ATRNL1: variants seen among roughly 807,000 people sequenced by gnomAD.
ATRNL1 encodes the protein attractin like 1.
A neutral mutation model predicts 182.7 loss-of-function variants in ATRNL1; 95 were observed. The observed-to-expected ratio is 0.52, with a 90% CI of 0.44 to 0.62. The LOEUF is 0.62. Ranked by LOEUF, ATRNL1 falls within the 20% of genes least tolerant of loss-of-function variation. ATRNL1 has a pLI of 0.00. For missense variants in ATRNL1, 1,471 were observed against 1,679.5 expected, an observed-to-expected ratio of 0.88 and a Z score of 2.17; for synonymous variants, 576 against 568.3, an observed-to-expected ratio of 1.01 and a Z score of -0.19.
chr10:115,514,089 G>C (rs1402987433), intron 24 of ATRNL1, among the ~76,000 whole-genome samples: 1 of 151,942 alleles, frequency 6.6e-6, no homozygotes, highest in Admixed American at 6.6e-5. Flanking sequence ...AGGTAGGAGA[G>C]TATTATCTGT....
At chr10:115,818,419 G>A (rs1217457499) in intron 27 of ATRNL1, among the ~76,000 whole-genome samples, 1 of 152,048 alleles carries the variant, frequency 6.6e-6, no homozygotes, top group African/African-American at 2.4e-5. Context: ...CAAATGATTT[G>A]CCATTATATT....
At chr10:115,697,045 T>A (rs1439702144) in intron 26 of ATRNL1, among the ~76,000 whole-genome samples, 1 of 152,130 alleles carries the variant, frequency 6.6e-6, no homozygotes, top group Non-Finnish European at 1.5e-5. Flanking sequence ...ATGTGGGGAT[T>A]ACAATTTGAG....
intron 5 of ATRNL1, among the ~76,000 whole-genome samples, chr10:115,154,891 C>A (rs1554881693): frequency 6.6e-6 from 1 of 152,120 alleles, no homozygotes; most frequent in Non-Finnish European, 1.5e-5. Flanking sequence ...ACCCCTACGG[C>A]CCAAAGATTG....
At chr10:115,528,472 C>T (rs782428266) in intron 25 of ATRNL1, among the ~76,000 whole-genome samples, 1 of 151,816 alleles carries the variant, frequency 6.6e-6, no homozygotes, top group Non-Finnish European at 1.5e-5. Context: ...CAGTAATGAC[C>T]CGACTTTTCA....
chr10:115,661,154 A>G (rs1447411782), intron 26 of ATRNL1, among the ~76,000 whole-genome samples: 1 of 152,110 alleles, frequency 6.6e-6, no homozygotes, highest in African/African-American at 2.4e-5. Context: ...TTTTAGGAAA[A>G]AGGAATAATA....
At chr10:115,621,056 T>G (rs1309338073) in intron 26 of ATRNL1, among the ~76,000 whole-genome samples, 2 of 151,936 alleles carry the variant, frequency 1.3e-5, no homozygotes, top group Non-Finnish European at 2.9e-5. Context: ...GAGTGAGATT[T>G]TCCTTGTTTT....
chr10:115,868,195 G>A (rs550211732), intron 28 of ATRNL1, among the ~76,000 whole-genome samples: 1 of 152,276 alleles, frequency 6.6e-6, no homozygotes, highest in Non-Finnish European at 1.5e-5. Flanking sequence ...GGTAAGAGAA[G>A]ACTCTGGGAG....
chr10:115,330,299 A>G (rs999477615), intron 18 of ATRNL1, among the ~76,000 whole-genome samples: 3 of 152,132 alleles, frequency 2.0e-5, no homozygotes, highest in Admixed American at 6.6e-5. Context: ...ATAAGGATAT[A>G]ATTGTTTCTT....
At chr10:115,368,092 G>A (rs1857160798) in intron 19 of ATRNL1, among the ~76,000 whole-genome samples, 1 of 152,196 alleles carries the variant, frequency 6.6e-6, no homozygotes, top group African/African-American at 2.4e-5. Context: ...ACCTAAGCAA[G>A]CCTGGGCAAT....
At chr10:115,809,191 G>A (rs1424337909) in intron 27 of ATRNL1, among the ~76,000 whole-genome samples, 1 of 151,888 alleles carries the variant, frequency 6.6e-6, no homozygotes, top group Non-Finnish European at 1.5e-5. Context: ...TTGATAAATA[G>A]GTCTATCCTA....
intron 26 of ATRNL1, among the ~76,000 whole-genome samples, chr10:115,702,779 A>G: frequency 6.6e-6 from 1 of 151,984 alleles, no homozygotes; most frequent in Non-Finnish European, 1.5e-5. Context: ...CACTGCTGAA[A>G]GAAGTCATAG....
At chr10:115,254,629 T>A (rs1177482651) in intron 10 of ATRNL1, among the ~76,000 whole-genome samples, 1 of 152,230 alleles carries the variant, frequency 6.6e-6, no homozygotes, top group Admixed American at 6.5e-5. Flanking sequence ...GTGCAGAAGC[T>A]CTTTAGTTTA....
chr10:115,282,979 AC>A (rs1852440630), intron 14 of ATRNL1, among the ~76,000 whole-genome samples: 1 of 150,918 alleles, frequency 6.6e-6, no homozygotes, highest in African/African-American at 2.4e-5. Flanking sequence ...CTAGCCCCCT[AC>A]CCCCACTTTT....
intron 26 of ATRNL1, among the ~76,000 whole-genome samples, chr10:115,645,183 G>T (rs1331090030): frequency 6.6e-6 from 1 of 151,792 alleles, no homozygotes; most frequent in East Asian, 1.9e-4. Flanking sequence ...CAATAGAAGG[G>T]TATATATCAA....
At chr10:115,655,204 C>T (rs1860256483) in intron 26 of ATRNL1, among the ~76,000 whole-genome samples, 1 of 152,108 alleles carries the variant, frequency 6.6e-6, no homozygotes, top group Non-Finnish European at 1.5e-5. Context: ...TCCTGACTCA[C>T]AGTCATGATT....
In ATRNL1 at chr10:115,605,245, G is replaced by A. The variant is rs140461438; in HGVS notation, c.3795+55709G>A. 1.8e-4 allele frequency among the ~76,000 whole-genome samples: 28 copies of A among 151,770 alleles called. No homozygotes were observed. The East Asian group carries it at 4.5e-3, about 24-fold the overall frequency. ...AGTGTTGCTATCATCTTTTGTTCAC[G>A]AGGAACAATCTGTTCTGATCCCTGG... On this transcript the variant is annotated intron_variant, in intron 26 of 28. Transcript: ENST00000355044.
chr10:115,348,731 A>C (rs1554940452), intron 19 of ATRNL1, among the ~76,000 whole-genome samples: 1 of 152,190 alleles, frequency 6.6e-6, no homozygotes, highest in South Asian at 2.1e-4. Context: ...AGTGTTATGA[A>C]GAAATTGAGT....
chr10:115,822,625 A>G lies in ATRNL1; in HGVS notation c.3904-25252A>G, dbSNP rs561684281. On this transcript the variant is annotated intron_variant, in intron 27 of 28. Transcript: ENST00000355044. ...TCACCACTGATCGCACAGAAATACA[A>G]ACTACCATCAGAGAATACTATAAAC... is the stretch of plus-strand genomic sequence containing the variant. 1.2e-4 allele frequency among the ~76,000 whole-genome samples: 19 copies of G among 152,336 alleles called. 1 individual carries two copies. In the South Asian group the frequency reaches 3.9e-3, roughly 32 times the overall value.
intron 27 of ATRNL1, among the ~76,000 whole-genome samples, chr10:115,836,547 C>T (rs1950677269): frequency 6.6e-6 from 1 of 152,168 alleles, no homozygotes; most frequent in African/African-American, 2.4e-5. Context: ...CTGGCGTTGC[C>T]TGCAAACCTT....
Sources: gnomAD v4.1 joint callset for allele counts (sites outside exome capture counted in the v4.1 genomes callset) on GRCh38, gnomAD v4.1.1 for gene constraint, MANE v1.5 for transcripts, NCBI Gene and HGNC (gene_info 2026-07-23, HGNC 2026-07-21) for gene names.